GRXCR1: variants seen among roughly 807,000 people sequenced by gnomAD.
GRXCR1 encodes the protein glutaredoxin and cysteine rich domain containing 1, also known as glutaredoxin domain-containing cysteine-rich protein 1.
Under a neutral mutation model 27.3 loss-of-function variants are expected in GRXCR1, and 27 were observed. The ratio of observed to expected loss-of-function variants is 0.99; its 90% CI spans 0.73 to 1.37. GRXCR1 has a LOEUF of 1.37. Ranked by LOEUF, GRXCR1 falls within the 40% of genes most tolerant of loss-of-function variation. The pLI, the probability that GRXCR1 is intolerant of heterozygous loss-of-function variation, is 0.00. For missense variants in GRXCR1, 379 were observed against 354.4 expected (o/e 1.07, Z -0.56); for synonymous variants, 122 against 131.1 (o/e 0.93, Z 0.47).
At chr4:42,953,157 C>A (rs373482668) in intron 1 of GRXCR1, among the ~76,000 whole-genome samples, 7 of 152,228 alleles carry the variant, frequency 4.6e-5, no homozygotes, top group African/African-American at 1.7e-4. Flanking sequence ...ATACTTTCCC[C>A]CACCAAAAAC....
chr4:42,932,615 TATATA>T (rs1747350751), intron 1 of GRXCR1, among the ~76,000 whole-genome samples: 1 of 33,960 alleles, frequency 2.9e-5, no homozygotes, highest in Non-Finnish European at 5.9e-5. Context: ...TATATATATA[TATATA>T]GAGAGAGAGA....
intron 1 of GRXCR1, among the ~76,000 whole-genome samples, chr4:42,940,735 A>C (rs1747599065): frequency 6.6e-6 from 1 of 152,070 alleles, no homozygotes; most frequent in Admixed American, 6.6e-5. Context: ...TTTAAAAATT[A>C]TCCACATTTT....
chr4:42,987,261 A>ATAAT (rs1491549715), intron 2 of GRXCR1, among the ~76,000 whole-genome samples: 11 of 97,270 alleles, frequency 1.1e-4, no homozygotes, highest in Admixed American at 5.3e-4. Flanking sequence ...ATATATATAT[A>ATAAT]ATATATATAT....
At chr4:43,010,642 A>C (rs1489006749) in intron 2 of GRXCR1, among the ~76,000 whole-genome samples, 1 of 152,144 alleles carries the variant, frequency 6.6e-6, no homozygotes, top group Non-Finnish European at 1.5e-5. Flanking sequence ...TTAATTATTA[A>C]TAGCAGGAGG....
chr4:43,015,582 T>C (rs1305815181), intron 2 of GRXCR1, among the ~76,000 whole-genome samples: 1 of 152,094 alleles, frequency 6.6e-6, no homozygotes, highest in Non-Finnish European at 1.5e-5. Flanking sequence ...AACTGTTTCA[T>C]CTAAAAAGCT....
At chr4:42,947,698 C>A (rs1245644440) in intron 1 of GRXCR1, among the ~76,000 whole-genome samples, 1 of 152,192 alleles carries the variant, frequency 6.6e-6, no homozygotes, top group Admixed American at 6.5e-5. Context: ...GCAGAGTCTG[C>A]TTTCCTTTCC....
intron 1 of GRXCR1, among the ~76,000 whole-genome samples, chr4:42,944,601 C>T (rs1747700837): frequency 6.6e-6 from 1 of 152,068 alleles, no homozygotes; most frequent in Admixed American, 6.6e-5. Context: ...ATACCAGAAT[C>T]AGTTATAAAT....
At chr4:42,995,100 A>G (rs2109793000) in intron 2 of GRXCR1, among the ~76,000 whole-genome samples, 1 of 152,300 alleles carries the variant, frequency 6.6e-6, no homozygotes, top group East Asian at 1.9e-4. Flanking sequence ...CTATATACAT[A>G]AACTTGGGAA....
At chr4:42,935,131 A>G (rs1419981824) in intron 1 of GRXCR1, among the ~76,000 whole-genome samples, 1 of 152,016 alleles carries the variant, frequency 6.6e-6, no homozygotes. Flanking sequence ...GTTAAACATT[A>G]CATTTTATAG....
At chr4:42,924,995 G>A (rs530739800) in intron 1 of GRXCR1, among the ~76,000 whole-genome samples, 137 of 151,622 alleles carry the variant, frequency 9.0e-4, no homozygotes, top group Non-Finnish European at 1.7e-3. Context: ...CTTGCTTTCT[G>A]CAATTTGTTT....
chr4:42,971,563 G>A (rs1482421366), intron 2 of GRXCR1, among the ~76,000 whole-genome samples: 1 of 151,662 alleles, frequency 6.6e-6, no homozygotes. Context: ...GAGAGAGAGT[G>A]AGTGAGTGAA....
At chr4:43,025,109 C>T (rs1365503939) in intron 3 of GRXCR1, among the ~76,000 whole-genome samples, 2 of 152,134 alleles carry the variant, frequency 1.3e-5, no homozygotes, top group African/African-American at 2.4e-5. Context: ...GGTAAACTTA[C>T]ATCTTGAAAT....
chr4:42,999,838 G>A (rs974397231), intron 2 of GRXCR1, among the ~76,000 whole-genome samples: 1 of 152,124 alleles, frequency 6.6e-6, no homozygotes, highest in South Asian at 2.1e-4. Flanking sequence ...TGTATGCATC[G>A]GTAAAAGACA....
At chr4:42,899,001 A>T (rs1053026649) in intron 1 of GRXCR1, among the ~76,000 whole-genome samples, 1 of 152,140 alleles carries the variant, frequency 6.6e-6, no homozygotes, top group African/African-American at 2.4e-5. Context: ...ATATTTATGC[A>T]CAATTAAAGA....
intron 1 of GRXCR1, among the ~76,000 whole-genome samples, chr4:42,960,963 G>A (rs1478168738): frequency 1.3e-5 from 2 of 151,736 alleles, no homozygotes; most frequent in Admixed American, 6.6e-5. Context: ...ATTAAGCCTC[G>A]CATGCATTTT....
At chr4:43,023,927 C>A (rs911309704) in intron 3 of GRXCR1, among the ~76,000 whole-genome samples, 4 of 151,990 alleles carry the variant, frequency 2.6e-5, no homozygotes, top group Non-Finnish European at 1.5e-5. Context: ...AATAAATAGG[C>A]TAAAAATGAG....
chr4:42,946,923 C>T (rs1747756741), intron 1 of GRXCR1, among the ~76,000 whole-genome samples: 1 of 152,044 alleles, frequency 6.6e-6, no homozygotes, highest in Admixed American at 6.6e-5. Flanking sequence ...TTTTTGATCT[C>T]AGAAAGTACG....
At chr4:42,932,304 T>C (rs1346169622) in intron 1 of GRXCR1, among the ~76,000 whole-genome samples, 1 of 151,756 alleles carries the variant, frequency 6.6e-6, no homozygotes, top group Non-Finnish European at 1.5e-5. Context: ...GGCATCCAGC[T>C]GTTTCTGTTC....
At chr4:42,913,087 ACCTGTTTTCTTT>A (rs1746763464) in intron 1 of GRXCR1, among the ~76,000 whole-genome samples, 1 of 152,072 alleles carries the variant, frequency 6.6e-6, no homozygotes, top group Admixed American at 6.5e-5. Flanking sequence ...AGTCAATTAA[ACCTGTTTTCTTT>A]ATAAATTACC....
Sources: allele counts gnomAD v4.1 joint callset (sites outside exome capture counted in the v4.1 genomes callset), GRCh38; gene constraint gnomAD v4.1.1; transcripts MANE v1.5; gene names NCBI Gene and HGNC (gene_info 2026-07-23, HGNC 2026-07-21).